Variants in MPDZ observed in about 807,000 individuals in gnomAD.
MPDZ encodes the protein multiple PDZ domain protein.
A neutral mutation model predicts 239.1 loss-of-function variants in MPDZ; 234 were observed. That is an observed-to-expected ratio of 0.98 (90% CI 0.88 to 1.09). The LOEUF is 1.09. MPDZ is among the 50% of genes least tolerant of loss of function. The pLI is 0.00. For synonymous variants in MPDZ, 1,048 were observed against 881.3 expected (o/e 1.19, Z -3.35); for missense variants, 3,175 against 2,510.0 (o/e 1.26, Z -5.66).
intron 10 of MPDZ, 130 bp from the exon 11 acceptor site, chr9:13,206,229 G>T: frequency 1.2e-6 from 1 of 839,118 alleles, no homozygotes; most frequent in East Asian, 2.8e-5. Flanking sequence ...CCTTATCAGG[G>T]AATTGACAGT....
At chr9:13,178,929 C>T (rs1952890114) in intron 19 of MPDZ, among the ~76,000 whole-genome samples, 1 of 152,072 alleles carries the variant, frequency 6.6e-6, no homozygotes, top group African/African-American at 2.4e-5. Context: ...TAGTATTTTT[C>T]CTCTTTTATA....
chr9:13,180,662 A>G (rs979074258), intron 19 of MPDZ, among the ~76,000 whole-genome samples: 5 of 152,212 alleles, frequency 3.3e-5, no homozygotes, highest in Non-Finnish European at 7.3e-5. Context: ...AAAGGAGTAA[A>G]ATGATTAACC....
At chr9:13,153,719 T>TTAC (rs1437323575) in intron 24 of MPDZ, among the ~76,000 whole-genome samples, 5 of 152,102 alleles carry the variant, frequency 3.3e-5, no homozygotes, top group Admixed American at 2.0e-4. Context: ...ATAGTACATT[T>TTAC]TACATATAGT....
chr9:13,233,676 T>C (rs1486503968), intron 3 of MPDZ, among the ~76,000 whole-genome samples: 1 of 152,248 alleles, frequency 6.6e-6, no homozygotes, highest in African/African-American at 2.4e-5. Flanking sequence ...ATAAGACATA[T>C]AATCAAAGCA....
At chr9:13,169,536 C>A (rs1279698130) in intron 21 of MPDZ, among the ~76,000 whole-genome samples, 1 of 152,124 alleles carries the variant, frequency 6.6e-6, no homozygotes, top group Non-Finnish European at 1.5e-5. Flanking sequence ...TAACTCCAGA[C>A]TAAGGCAACA....
At chr9:13,168,303 G>T (rs1007621642) in intron 22 of MPDZ, 63 bp downstream of exon 22, 2 of 1,470,884 alleles carry the variant, frequency 1.4e-6, no homozygotes, top group African/African-American at 1.4e-5. Flanking sequence ...TACTGAAAAA[G>T]AATTCTGATT....
At chr9:13,135,744 C>T (rs1372482081) in intron 31 of MPDZ, 1 of 166,254 alleles carries the variant, frequency 6.0e-6, no homozygotes, top group African/African-American at 2.4e-5. Context: ...CCATTCCTCA[C>T]TCCATGCCCT....
chr9:13,115,389 T>C, intron 39 of MPDZ, 55 bp from the exon 40 acceptor site: 2 of 1,401,738 alleles, frequency 1.4e-6, no homozygotes, highest in Non-Finnish European at 2.0e-6. Flanking sequence ...AATGCTATAA[T>C]CATCTTTAGG....
intron 11 of MPDZ, among the ~76,000 whole-genome samples, chr9:13,205,669 G>C (rs1387280205): frequency 4.6e-5 from 7 of 152,084 alleles, no homozygotes; most frequent in Non-Finnish European, 7.4e-5. Context: ...TGGTGACAAT[G>C]AATAGGATAG....
intron 12 of MPDZ, among the ~76,000 whole-genome samples, chr9:13,204,449 C>A (rs183459599): frequency 2.3e-4 from 35 of 152,114 alleles, no homozygotes; most frequent in Non-Finnish European, 1.5e-5. Flanking sequence ...TAATGCTACT[C>A]TAAATTTTTA....
intron 1 of MPDZ, among the ~76,000 whole-genome samples, chr9:13,278,102 C>T (rs1179608211): frequency 2.6e-5 from 4 of 152,120 alleles, no homozygotes; most frequent in Non-Finnish European, 5.9e-5. Flanking sequence ...TCTAGGGAAA[C>T]ACGAAGGGGA....
chr9:13,267,683 T>C (rs762973177), intron 1 of MPDZ, among the ~76,000 whole-genome samples: 45 of 152,122 alleles, frequency 3.0e-4, no homozygotes, highest in Non-Finnish European at 5.7e-4. Flanking sequence ...GTGTTTGATG[T>C]ATGGCAAGAC....
intron 3 of MPDZ, among the ~76,000 whole-genome samples, chr9:13,237,680 A>C (rs1240652698): frequency 6.6e-6 from 1 of 152,112 alleles, no homozygotes; most frequent in Non-Finnish European, 1.5e-5. Context: ...CTGTCACTTC[A>C]AGGAAGACAA....
intron 24 of MPDZ, among the ~76,000 whole-genome samples, chr9:13,152,132 G>T (rs962971555): frequency 3.3e-5 from 5 of 152,024 alleles, no homozygotes; most frequent in African/African-American, 9.7e-5. Context: ...TCAAGGGAAA[G>T]AACACTCCTG....
In MPDZ at chr9:13,224,397, G is replaced by A; in HGVS notation, c.370C>T (p.Gln124Ter). The A allele has an allele frequency of 6.2e-7, 1 of 1,612,332 alleles. No homozygotes were observed. The highest frequency in any genetic ancestry group is 8.5e-7 in the Non-Finnish European group (1 of 1,178,978). Residue 124 changes from glutamine (Q) to a stop codon, truncating the protein, a stop_gained, in exon 4 of 47, where the codon CAG (glutamine) becomes TAG (stop). Transcript: ENST00000319217. LOFTEE classifies it high-confidence loss of function. ...ACCTGGGCCATATTTTTGATAAGCT[G>A]ATCAAATTCATCACAAGCAGGTTTC... ...NGKPACDEFDQLIKNMAQGRH... is the reference protein window; with the variant it reads ...NGKPACDEFD
In MPDZ at chr9:13,242,749, G is replaced by C. The variant is rs190780269; in HGVS notation, c.183+4886C>G. 1.9e-3 allele frequency among the ~76,000 whole-genome samples: 284 copies of C among 152,120 alleles called. 1 individual carries two copies. The highest frequency in any genetic ancestry group is 6.6e-3 in the African/African-American group (275 of 41,518). On this transcript the variant is annotated intron_variant, in intron 3 of 46. Coordinates refer to ENST00000319217, the MANE Select transcript of MPDZ (RefSeq NM_001378778.1). ...TATAATCTACTGCTCTGATAATATA[G>C]GTCTGCATGGGGCTCCATACCAGGG... is the stretch of plus-strand genomic sequence containing the variant.
intron 24 of MPDZ, among the ~76,000 whole-genome samples, chr9:13,151,099 G>C (rs1279938914): frequency 6.6e-6 from 1 of 151,922 alleles, no homozygotes; most frequent in South Asian, 2.1e-4. Flanking sequence ...AGCACAGTAA[G>C]ATACCATCTC....
intron 46 of MPDZ, among the ~76,000 whole-genome samples, chr9:13,108,236 G>A (rs546056073): frequency 6.6e-6 from 1 of 152,130 alleles, no homozygotes; most frequent in East Asian, 1.9e-4. Context: ...TGTAGCCCCT[G>A]AAAAACGACT....
At chr9:13,267,822 A>G (rs989059825) in intron 1 of MPDZ, among the ~76,000 whole-genome samples, 1 of 152,184 alleles carries the variant, frequency 6.6e-6, no homozygotes, top group African/African-American at 2.4e-5. Flanking sequence ...TCACCAGGCT[A>G]ACAGAATATA....
Sources: gnomAD v4.1 joint callset for allele counts (sites outside exome capture counted in the v4.1 genomes callset) on GRCh38, gnomAD v4.1.1 for gene constraint, MANE v1.5 for transcripts, NCBI Gene and HGNC (gene_info 2026-07-23, HGNC 2026-07-21) for gene names.